Variants in PIEZO2 observed in about 807,000 individuals in gnomAD.
PIEZO2 encodes piezo type mechanosensitive ion channel component 2, also known as piezo-type mechanosensitive ion channel component 2.
PIEZO2 carries 172 observed loss-of-function variants against 337.3 expected under a neutral mutation model. The observed-to-expected ratio is 0.51, with a 90% confidence interval of 0.45 to 0.58. The LOEUF (loss-of-function observed/expected upper bound fraction) is 0.58, where lower values mean the gene tolerates loss of function less well. PIEZO2 is among the 20% of genes least tolerant of loss of function. The pLI, the probability that PIEZO2 is intolerant of heterozygous loss-of-function variation, is 0.00. For missense variants in PIEZO2, 3,028 were observed against 3,391.3 expected (o/e 0.89, Z 2.66); for synonymous variants, 1,251 against 1,228.5 (o/e 1.02, Z -0.38).
chr18:10,878,106 C>T lies in PIEZO2; in HGVS notation c.330-6691G>A, dbSNP rs989158940. Among the ~76,000 whole-genome samples, 2 of 152,198 alleles carry T rather than the reference C, an allele frequency of 1.3e-5. No homozygotes were observed. The highest frequency in any genetic ancestry group is 2.9e-5 in the Non-Finnish European group (2 of 68,040). On this transcript the variant is annotated intron_variant, in intron 4 of 55. Coordinates refer to ENST00000674853, the MANE Select transcript of PIEZO2 (RefSeq NM_001378183.1). The surrounding 1 kb of genome is among the most constrained non-coding windows in gnomAD (Gnocchi z 4.3). ...AATGGACCGCCATCCCTCCCACATC[C>T]TCCATCAGTAGATGTTTAACACTGT... is the stretch of plus-strand genomic sequence containing the variant.
chr18:10,854,866 C>A lies in PIEZO2; in HGVS notation c.917+487G>T, dbSNP rs1297421830. 2.6e-5 allele frequency among the ~76,000 whole-genome samples: 4 copies of A among 152,108 alleles called. No homozygotes were observed. The highest frequency in any genetic ancestry group is 5.9e-5 in the Non-Finnish European group (4 of 68,020). Reference sequence around the variant, plus strand: ...GTAGCTGGGACCACAGGTGTGCGCCCTCATGCCCAGCTAATTTTTTTTGTA... The same window carrying A: ...GTAGCTGGGACCACAGGTGTGCGCCATCATGCCCAGCTAATTTTTTTTGTA... On this transcript the variant is annotated intron_variant, in intron 7 of 55. Transcript: ENST00000674853. The surrounding 1 kb of genome is among the most constrained non-coding windows in gnomAD (Gnocchi z 4.6).
In PIEZO2 at chr18:10,940,142, T is replaced by C. The variant is rs1019225668; in HGVS notation, c.287-28914A>G. ...CAAAAAAACACACTTCAGAGGAGGC[T>C]TTGGCCATCTTTGATTAGCACACGA... On this transcript the variant is annotated intron_variant, in intron 3 of 55. Transcript: ENST00000674853. This position sits in a 1 kb window ranked among gnomAD's most constrained non-coding sequence, Gnocchi z 5.3. Among the ~76,000 whole-genome samples the C allele has an allele frequency of 6.6e-6, 1 of 152,198 alleles. No homozygotes were observed. The highest frequency in any genetic ancestry group is 2.4e-5 in the African/African-American group (1 of 41,464).
At chr18:10,705,110 G>A (rs894125795) in intron 41 of PIEZO2, among the ~76,000 whole-genome samples, 1 of 152,172 alleles carries the variant, frequency 6.6e-6, no homozygotes, top group Non-Finnish European at 1.5e-5. Context: ...ATTATAGAAA[G>A]AAATGTCAAC....
At chr18:11,072,633 T>C (rs1010971020) in intron 1 of PIEZO2, among the ~76,000 whole-genome samples, 1 of 152,242 alleles carries the variant, frequency 6.6e-6, no homozygotes, top group Non-Finnish European at 1.5e-5. Flanking sequence ...GTAGTTATTA[T>C]CATCATTTTA....
intron 7 of PIEZO2, among the ~76,000 whole-genome samples, chr18:10,839,632 G>A (rs1049280217): frequency 5.9e-5 from 9 of 152,212 alleles, no homozygotes; most frequent in Non-Finnish European, 8.8e-5. Context: ...AGCAGCAGGA[G>A]TCAACCCTGA....
chr18:10,967,908 A>G (rs995166657), intron 3 of PIEZO2, among the ~76,000 whole-genome samples: 1 of 150,818 alleles, frequency 6.6e-6, no homozygotes, highest in Non-Finnish European at 1.5e-5. Context: ...TACTCTGCTG[A>G]TTATTATTAT....
chr18:10,935,264 G>A (rs1331267844), intron 3 of PIEZO2, among the ~76,000 whole-genome samples: 1 of 152,154 alleles, frequency 6.6e-6, no homozygotes, highest in Non-Finnish European at 1.5e-5. Flanking sequence ...ATTATGAATA[G>A]AAAGATTTGC....
intron 36 of PIEZO2, among the ~76,000 whole-genome samples, chr18:10,723,046 C>A (rs183608978): frequency 6.8e-6 from 1 of 146,904 alleles, no homozygotes; most frequent in Non-Finnish European, 1.5e-5. Context: ...TGGCTCACCA[C>A]AACCTCTGCC....
intron 4 of PIEZO2, among the ~76,000 whole-genome samples, chr18:10,886,493 TATATAC>T: frequency 8.2e-6 from 1 of 121,268 alleles, no homozygotes; most frequent in African/African-American, 3.6e-5. Context: ...AAACCATATA[TATATAC>T]GCATATACAC....
In PIEZO2 at chr18:10,895,796, C is replaced by T. The variant is rs188424338; in HGVS notation, c.329+15390G>A. Among the ~76,000 whole-genome samples the T allele has an allele frequency of 9.9e-4, 150 of 152,186 alleles. No homozygotes were observed. The highest frequency in any genetic ancestry group is 4.0e-4 in the Non-Finnish European group (27 of 68,004). ...TCAGAGCCAGGCACGGGCAGGCTCA[C>T]GCCTGTAATCCCAGCACTTTGGGAG... On this transcript the variant is annotated intron_variant, in intron 4 of 55. Coordinates refer to ENST00000674853, the MANE Select transcript of PIEZO2 (RefSeq NM_001378183.1). The surrounding 1 kb of genome is among the most constrained non-coding windows in gnomAD (Gnocchi z 4.8).
chr18:10,846,237 T>C lies in PIEZO2; in HGVS notation c.917+9116A>G, dbSNP rs765799221. Among the ~76,000 whole-genome samples, 2 of 152,168 alleles carry C rather than the reference T, an allele frequency of 1.3e-5. No individual in the cohort carries two copies. The highest frequency in any genetic ancestry group is 2.9e-5 in the Non-Finnish European group (2 of 68,032). Reference sequence around the variant, plus strand: ...AGAAGGCAAGGAGGAGCAAGTCACATCTTACACAGATGGCAGCAGGCAAAG... The same window carrying C: ...AGAAGGCAAGGAGGAGCAAGTCACACCTTACACAGATGGCAGCAGGCAAAG... On this transcript the variant is annotated intron_variant, in intron 7 of 55. Coordinates refer to ENST00000674853, the MANE Select transcript of PIEZO2 (RefSeq NM_001378183.1). This position sits in a 1 kb window ranked among gnomAD's most constrained non-coding sequence, Gnocchi z 4.1.
chr18:10,691,123 C>G, intron 48 of PIEZO2, 102 bp downstream of exon 48: 1 of 1,317,954 alleles, frequency 7.6e-7, no homozygotes, highest in Non-Finnish European at 1.1e-6. Context: ...ATTCCCACTG[C>G]TGAATTCATC....
At position 10,748,737 on chromosome 18, in the gene PIEZO2, G is replaced by A. The variant is rs1462564019; in HGVS notation, c.4265-107C>T. 2 of 992,970 alleles carry A rather than the reference G, an allele frequency of 2.0e-6. No homozygotes were observed. The highest frequency in any genetic ancestry group is 1.7e-5 in the African/African-American group (1 of 59,442). 61.5% of individuals were successfully genotyped at this position (992,970 alleles called of 1,614,324 possible). A position where few individuals can be genotyped will look rare whatever the true frequency, so the allele number is the denominator to read the frequency against. ...CTTGGGAAATATAGGCATAAAAGCA[G>A]CATTCTGATGCTCTGACTTACTTAT... On this transcript the variant is annotated intron_variant, in intron 29 of 55. Transcript: ENST00000674853. The surrounding 1 kb of genome is among the most constrained non-coding windows in gnomAD (Gnocchi z 5.1).
At chr18:10,788,475 GAAGA>G (rs1568058692) in intron 15 of PIEZO2, among the ~76,000 whole-genome samples, 1 of 125,808 alleles carries the variant, frequency 7.9e-6, no homozygotes, top group East Asian at 2.6e-4. Context: ...AGGAAGGAAG[GAAGA>G]AATAGAAATG....
chr18:10,736,518 A>G, intron 34 of PIEZO2, 86 bp downstream of exon 34: 2 of 1,495,476 alleles, frequency 1.3e-6, no homozygotes, highest in East Asian at 2.5e-5. Context: ...TATGAATATT[A>G]CAGGAGGTGT....
At position 10,979,587 on chromosome 18, in the gene PIEZO2, G is replaced by A; in HGVS notation, c.234C>T (p.His78=). ...LSFLLLHIIF[H]ITLVSLEAQH... is the part of the protein sequence containing the mutation. The stretch of plus-strand genomic sequence containing the variant: ...GAGCTTCAAGGCTCACCAACGTGAT[G>A]TGGAAAATGATGTGCAGCAACAGGA... The change falls in exon 3 of 56, where the codon CAC becomes CAT. Residue 78 remains histidine, a synonymous_variant. Coordinates refer to ENST00000674853, the MANE Select transcript of PIEZO2 (RefSeq NM_001378183.1). This position sits in a 1 kb window ranked among gnomAD's most constrained non-coding sequence, Gnocchi z 4.0. The A allele has an allele frequency of 2.0e-6, 3 of 1,536,212 alleles. No homozygotes were observed. Among genetic ancestry groups the A allele is most frequent in the Non-Finnish European group, 2.6e-6 (3 of 1,146,106 alleles).
At chr18:10,723,054 G>A (rs2036388787) in intron 36 of PIEZO2, among the ~76,000 whole-genome samples, 1 of 140,442 alleles carries the variant, frequency 7.1e-6, no homozygotes, top group African/African-American at 2.7e-5. Context: ...CACAACCTCT[G>A]CCTTCCGGAT....
rs1475028594 is a variant in PIEZO2 at position 10,760,891 on chromosome 18, A to G, written c.3450+20T>C. ...TTTTCATGGAAAAGAGAAATAAAAC[A>G]TATCAGCAAGGAAACTCACCTCCAG... On this transcript the variant is annotated intron_variant, in intron 24 of 55. Transcript: ENST00000674853. The G allele has an allele frequency of 8.0e-6, 12 of 1,501,200 alleles. No homozygotes were observed. The highest frequency in any genetic ancestry group is 2.5e-5 in the East Asian group (1 of 40,726). 93.0% of individuals were successfully genotyped at this position (1,501,200 alleles called of 1,614,324 possible).
intron 3 of PIEZO2, among the ~76,000 whole-genome samples, chr18:10,926,564 ACAAT>A (rs1206319905): frequency 2.6e-5 from 4 of 152,166 alleles, no homozygotes; most frequent in Non-Finnish European, 4.4e-5. Context: ...AGCCCCCTCA[ACAAT>A]CAGACTTCCA....
Sources: gnomAD v4.1 joint callset for allele counts (sites outside exome capture counted in the v4.1 genomes callset) on GRCh38, gnomAD v4.1.1 for gene constraint, Gnocchi (gnomAD v3.1) non-coding constraint, MANE v1.5 for transcripts, NCBI Gene and HGNC (gene_info 2026-07-23, HGNC 2026-07-21) for gene names.